JMJD1C: variants seen among roughly 807,000 people sequenced by gnomAD.
The protein encoded by JMJD1C is jumonji domain containing 1C.
JMJD1C carries 31 observed loss-of-function variants against 245.3 expected under a neutral mutation model. The observed-to-expected ratio is 0.13, with a 90% CI of 0.09 to 0.17. The LOEUF (loss-of-function observed/expected upper bound fraction) is 0.17, where lower values mean the gene tolerates loss of function less well. Among genes scored for constraint, JMJD1C ranks in the 10% least tolerant of loss-of-function variants. The pLI is 1.00. For missense variants in JMJD1C, 2,691 were observed against 3,000.2 expected (o/e 0.90, Z 2.41); for synonymous variants, 1,057 against 1,017.4 (o/e 1.04, Z -0.74).
At position 63,465,479 on chromosome 10, in the gene JMJD1C, G is replaced by A. The variant is rs747881850; in HGVS notation, c.168+16C>T. The A allele has an allele frequency of 3.8e-6, 6 of 1,586,148 alleles. No homozygotes were observed. The highest frequency in any genetic ancestry group is 2.3e-5 in the East Asian group (1 of 44,328). On this transcript the variant is annotated intron_variant, in intron 1 of 25. Coordinates refer to ENST00000399262, the MANE Select transcript of JMJD1C (RefSeq NM_032776.3). ...GCGGGCGCGGCAGGGGAAAAGGGGG[G>A]CGCTGACTCTCTTACCGCCAGGTCC...
At chr10:63,496,861 A>G (rs1954381097) in intron 1 of JMJD1C, among the ~76,000 whole-genome samples, 1 of 152,208 alleles carries the variant, frequency 6.6e-6, no homozygotes, top group Non-Finnish European at 1.5e-5. Flanking sequence ...GCATGTTTCC[A>G]CTAGTTCTGT....
At chr10:63,183,320 C>T (rs1030214169) in intron 22 of JMJD1C, 127 bp downstream of exon 22, 13 of 726,966 alleles carry the variant, frequency 1.8e-5, no homozygotes, top group South Asian at 4.3e-5. Flanking sequence ...GGCTAAAATG[C>T]CCCTACATCC....
At chr10:63,193,828 G>A (rs1056650835) in intron 14 of JMJD1C, among the ~76,000 whole-genome samples, 4 of 151,990 alleles carry the variant, frequency 2.6e-5, no homozygotes, top group South Asian at 2.1e-4. Context: ...CACCACGCCC[G>A]GCTAATTTTT....
At chr10:63,335,777 T>C (rs1321414729) in intron 2 of JMJD1C, among the ~76,000 whole-genome samples, 1 of 151,630 alleles carries the variant, frequency 6.6e-6, no homozygotes, top group South Asian at 2.1e-4. Context: ...TCCCGAAGTG[T>C]TGAGATTACA....
intron 1 of JMJD1C, among the ~76,000 whole-genome samples, chr10:63,450,146 A>G (rs1277929728): frequency 6.6e-6 from 1 of 152,096 alleles, no homozygotes; most frequent in Non-Finnish European, 1.5e-5. Flanking sequence ...GGAAAAGAAA[A>G]GCAAAATTAG....
At chr10:63,428,886 G>C (rs1341226720) in intron 1 of JMJD1C, among the ~76,000 whole-genome samples, 1 of 152,056 alleles carries the variant, frequency 6.6e-6, no homozygotes, top group African/African-American at 2.4e-5. Flanking sequence ...GTCAAGGTAA[G>C]CCAGGTTATG....
At chr10:63,507,674 G>A (rs1954765061) in intron 1 of JMJD1C, among the ~76,000 whole-genome samples, 2 of 89,908 alleles carry the variant, frequency 2.2e-5, no homozygotes, top group African/African-American at 9.9e-5. Flanking sequence ...CAGTGGCTGT[G>A]CCACTTTGCA....
intron 1 of JMJD1C, among the ~76,000 whole-genome samples, chr10:63,443,493 T>C (rs143346666): frequency 6.6e-6 from 1 of 152,238 alleles, no homozygotes; most frequent in Non-Finnish European, 1.5e-5. Context: ...GTAATGGTTG[T>C]AGAAACAGGG....
chr10:63,353,410 A>G (rs895151514), intron 2 of JMJD1C, among the ~76,000 whole-genome samples: 1 of 152,214 alleles, frequency 6.6e-6, no homozygotes, highest in African/African-American at 2.4e-5. Context: ...ACTAATGTGA[A>G]GATGCTAACA....
intron 1 of JMJD1C, among the ~76,000 whole-genome samples, chr10:63,459,551 A>G (rs1349956225): frequency 6.6e-6 from 1 of 152,214 alleles, no homozygotes; most frequent in African/African-American, 2.4e-5. Flanking sequence ...TACTTCATAC[A>G]CATTAAAACA....
intron 3 of JMJD1C, among the ~76,000 whole-genome samples, chr10:63,220,761 G>A (rs1423140247): frequency 6.6e-6 from 1 of 152,178 alleles, no homozygotes; most frequent in African/African-American, 2.4e-5. Context: ...AGGGACACTA[G>A]AGTAGCTGAG....
intron 1 of JMJD1C, among the ~76,000 whole-genome samples, chr10:63,478,983 A>T (rs1953747049): frequency 6.6e-6 from 1 of 152,180 alleles, no homozygotes. Flanking sequence ...ATGAACAAAA[A>T]CCACTAATAA....
At chr10:63,368,855 C>A (rs947187451) in intron 2 of JMJD1C, among the ~76,000 whole-genome samples, 8 of 151,930 alleles carry the variant, frequency 5.3e-5, no homozygotes, top group Admixed American at 4.6e-4. Context: ...GCCATGTTGG[C>A]CAGGCTGGTC....
At chr10:63,382,058 A>G (rs1199311673) in intron 1 of JMJD1C, among the ~76,000 whole-genome samples, 1 of 152,100 alleles carries the variant, frequency 6.6e-6, no homozygotes, top group Non-Finnish European at 1.5e-5. Flanking sequence ...CAAAAATACA[A>G]AAATTAGCTG....
chr10:63,331,266 T>C (rs530381391), intron 2 of JMJD1C, among the ~76,000 whole-genome samples: 2 of 152,328 alleles, frequency 1.3e-5, no homozygotes, highest in East Asian at 1.9e-4. Flanking sequence ...CCTCTTGCCC[T>C]ATAAAAATAT....
intron 2 of JMJD1C, among the ~76,000 whole-genome samples, chr10:63,375,503 C>G (rs1946662571): frequency 6.6e-6 from 1 of 151,086 alleles, no homozygotes; most frequent in Admixed American, 6.6e-5. Context: ...AAAGACACCC[C>G]TGTTCAAAGA....
chr10:63,194,592 T>C, intron 13 of JMJD1C: 2 of 420,868 alleles, frequency 4.8e-6, no homozygotes, highest in Non-Finnish European at 8.6e-6. Context: ...CACCATTTCC[T>C]GATTTTATAA....
At chr10:63,279,363 AG>A (rs1589371846) in intron 2 of JMJD1C, among the ~76,000 whole-genome samples, 1 of 152,258 alleles carries the variant, frequency 6.6e-6, no homozygotes, top group Non-Finnish European at 1.5e-5. Context: ...CCATTGAAAC[AG>A]AAAAAAAATT....
intron 2 of JMJD1C, among the ~76,000 whole-genome samples, chr10:63,319,233 G>GGCGACAGA (rs973681901): frequency 6.8e-6 from 1 of 147,262 alleles, no homozygotes; most frequent in Non-Finnish European, 1.5e-5. Flanking sequence ...CTCCAGCCTG[G>GGCGACAGA]GCGACAGAGC....
Sources: gnomAD v4.1 joint callset for allele counts (sites outside exome capture counted in the v4.1 genomes callset) on GRCh38, gnomAD v4.1.1 for gene constraint, MANE v1.5 for transcripts, NCBI Gene and HGNC (gene_info 2026-07-23, HGNC 2026-07-21) for gene names.